Variants in ANKRD36C observed in about 807,000 individuals in gnomAD.
The protein encoded by ANKRD36C is ankyrin repeat domain-containing protein 36C.
In ANKRD36C, 61 loss-of-function variants were observed where a neutral mutation model predicts 276.4. That is an observed-to-expected ratio of 0.22 (90% CI 0.18 to 0.27). The LOEUF (loss-of-function observed/expected upper bound fraction) is 0.27. Ranked by LOEUF, ANKRD36C falls within the 10% of genes least tolerant of loss-of-function variation. The probability of loss-of-function intolerance (pLI) is 1.00; values close to 1 mark genes in which losing one functional copy is unlikely to be tolerated. For synonymous variants in ANKRD36C, 483 were observed against 680.1 expected (o/e 0.71, Z 4.51); for missense variants, 1,447 against 2,032.3 (o/e 0.71, Z 5.54).
rs768337697 is a variant in ANKRD36C, at chr2:95,935,407, A to G, written c.1735+47T>C. 47 of 1,464,944 alleles carry G rather than the reference A, an allele frequency of 3.2e-5. No homozygotes were observed. In the East Asian group the frequency reaches 1.1e-3, roughly 33 times the overall value. 90.7% of individuals were successfully genotyped at this position (1,464,944 alleles called of 1,614,324 possible). The stretch of plus-strand genomic sequence containing the variant: ...TCAGAAGGCTATGAACATTTCCAGT[A>G]TATTCATGTCCTTCTTTCCAGATGA... On this transcript the variant is annotated intron_variant, in intron 24 of 66. Coordinates refer to ENST00000456556, the Ensembl canonical transcript of ANKRD36C.
chr2:95,888,397 A>G (rs931461840), intron 48 of ANKRD36C, among the ~76,000 whole-genome samples: 9 of 151,846 alleles, frequency 5.9e-5, no homozygotes, highest in East Asian at 3.9e-4. Flanking sequence ...TGGATATGCC[A>G]AGTGATGAGG....
At chr2:95,929,084 T>C (rs889537308) in exon 26 of ANKRD36C, 1 of 1,603,808 alleles carries the variant, frequency 6.2e-7, no homozygotes, top group Admixed American at 1.7e-5. Context: ...GTCCCAGATA[T>C]TGGTCCCTCC....
chr2:95,911,673 A>G (rs1039660066), intron 42 of ANKRD36C, among the ~76,000 whole-genome samples: 1 of 151,444 alleles, frequency 6.6e-6, no homozygotes, highest in Non-Finnish European at 1.5e-5. Flanking sequence ...AAAAACAATT[A>G]CTGTTTATGC....
exon 2 of ANKRD36C, chr2:95,987,173 T>G (rs1280209336): frequency 6.5e-7 from 1 of 1,549,026 alleles, no homozygotes; most frequent in Non-Finnish European, 8.7e-7. Context: ...CCATTTCCGG[T>G]TGGCCAGTGG....
chr2:95,910,363 T>G lies in ANKRD36C; in HGVS notation c.2653+1881A>C. 2 of 1,534,106 alleles carry G rather than the reference T, an allele frequency of 1.3e-6. No individual in the cohort carries two copies. Among genetic ancestry groups the G allele is most frequent in the Non-Finnish European group, 8.8e-7 (1 of 1,140,660 alleles). On this transcript the variant is annotated intron_variant, in intron 42 of 66. Coordinates refer to ENST00000456556, the Ensembl canonical transcript of ANKRD36C. ...ACAGAACACGACATTAAATCTGTTTTCAAAATTACCTGTCCTAGATTTTTC... is the reference window on the plus strand; with the variant it reads ...ACAGAACACGACATTAAATCTGTTTGCAAAATTACCTGTCCTAGATTTTTC...
At chr2:95,882,363 T>C in exon 56 of ANKRD36C, 1 of 1,550,980 alleles carries the variant, frequency 6.4e-7, no homozygotes, top group Non-Finnish European at 8.7e-7. Context: ...AAACTTTCTT[T>C]TTAAATATAA....
intron 3 of ANKRD36C, among the ~76,000 whole-genome samples, chr2:95,983,276 G>A (rs1221535244): frequency 1.3e-5 from 2 of 151,864 alleles, no homozygotes; most frequent in East Asian, 3.9e-4. Context: ...TTATTAAATA[G>A]TCCATGGGTT....
At chr2:95,921,784 T>C in exon 33 of ANKRD36C, 1 of 1,602,406 alleles carries the variant, frequency 6.2e-7, no homozygotes, top group Non-Finnish European at 8.5e-7. Flanking sequence ...TTAATTACCT[T>C]CAAGGCTGGT....
rs547334632 is a variant in ANKRD36C, at chr2:95,856,688, A to G, written c.4081-508T>C. On this transcript the variant is annotated intron_variant, in intron 62 of 66. Transcript: ENST00000456556. ...TGTTATGGTCAATTTTAAGAATGAC[A>G]TTTATTGATAAATGATAAGTCTAGG... Among the ~76,000 whole-genome samples, 36 of 152,294 alleles carry G rather than the reference A, an allele frequency of 2.4e-4. No individual in the cohort carries two copies. In the South Asian group the frequency reaches 7.3e-3, roughly 31 times the overall value.
chr2:95,979,959 A>G (rs754922542), intron 5 of ANKRD36C, among the ~76,000 whole-genome samples: 5 of 152,036 alleles, frequency 3.3e-5, no homozygotes, highest in Admixed American at 2.0e-4. Flanking sequence ...GGCTGAGCAT[A>G]TAAGTATGTG....
In ANKRD36C at chr2:95,980,786, C is replaced by T; in HGVS notation, c.594-1G>A. On this transcript the variant is annotated splice_acceptor_variant, in intron 4 of 66. Coordinates refer to ENST00000456556, the Ensembl canonical transcript of ANKRD36C. LOFTEE classifies it high-confidence loss of function. The stretch of plus-strand genomic sequence containing the variant: ...AGTAACAGCATGTATGAGGGCTGAT[C>T]TAAAATAACAGAGAGGTAATTAAAA... 1 of 1,582,254 alleles carries T rather than the reference C, an allele frequency of 6.3e-7. No individual in the cohort carries two copies. Among genetic ancestry groups the T allele is most frequent in the Non-Finnish European group, 8.6e-7 (1 of 1,161,742 alleles).
At chr2:95,850,809 A>T (rs980768807), downstream of ANKRD36C, among the ~76,000 whole-genome samples, 1 of 152,240 alleles carries the variant, frequency 6.6e-6, no homozygotes, top group Non-Finnish European at 1.5e-5. Flanking sequence ...GTTAGCCTTA[A>T]ATCACTACCT....
intron 34 of ANKRD36C, 24 bp downstream of exon 34, chr2:95,921,582 CA>C (rs766597703): frequency 6.3e-7 from 1 of 1,595,890 alleles, no homozygotes; most frequent in Non-Finnish European, 8.5e-7. Flanking sequence ...TTGAACATGA[CA>C]TTAAATGTCT....
chr2:95,913,801 C>T (rs1300305280), intron 40 of ANKRD36C, among the ~76,000 whole-genome samples: 1 of 151,352 alleles, frequency 6.6e-6, no homozygotes, highest in Admixed American at 6.6e-5. Flanking sequence ...CTCCTTCCAC[C>T]CTTACTGAAA....
intron 36 of ANKRD36C, 34 bp from the exon 39 acceptor site, chr2:95,916,205 C>T (rs748643708): frequency 2.2e-5 from 35 of 1,601,464 alleles, no homozygotes; most frequent in South Asian, 1.1e-4. Flanking sequence ...ATCACTCACT[C>T]GTAAATATGA....
chr2:95,916,272 A>G, intron 36 of ANKRD36C, 101 bp from the exon 39 acceptor site: 1 of 1,559,830 alleles, frequency 6.4e-7, no homozygotes, highest in Non-Finnish European at 8.7e-7. Context: ...TCCTGCCTGT[A>G]TTAGTGGAGG....
exon 63 of ANKRD36C, chr2:95,855,768 T>G: frequency 6.2e-7 from 1 of 1,613,850 alleles, no homozygotes; most frequent in Non-Finnish European, 8.5e-7. Context: ...ATGACAACAT[T>G]TATCTACTGT....
chr2:95,953,611 A>G (rs1678254600), intron 14 of ANKRD36C, among the ~76,000 whole-genome samples: 1 of 152,260 alleles, frequency 6.6e-6, no homozygotes, highest in East Asian at 1.9e-4. Context: ...ACTCAAAGTA[A>G]AAACACTCAA....
rs1207960465 is a variant in ANKRD36C, at chr2:95,875,149, ATACCAT to A, written c.3540+1284_3540+1289del. ...ATTCCTCAGGGATCCAGAACTAGAA[ATACCAT>A]TTGACCCTGCCATCCCATTACTGGG... On this transcript the variant is annotated intron_variant, in intron 59 of 66. Coordinates refer to ENST00000456556, the Ensembl canonical transcript of ANKRD36C. Among the ~76,000 whole-genome samples, 3 of 152,324 alleles carry A rather than the reference ATACCAT, an allele frequency of 2.0e-5. No individual in the cohort carries two copies. In the East Asian group the frequency reaches 5.8e-4, roughly 29 times the overall value.
Sources: allele counts gnomAD v4.1 joint callset (sites outside exome capture counted in the v4.1 genomes callset), GRCh38; gene constraint gnomAD v4.1.1; transcripts MANE v1.5; gene names NCBI Gene and HGNC (gene_info 2026-07-23, HGNC 2026-07-21).